Variants in MAST2 observed in about 807,000 individuals in gnomAD.
MAST2 encodes the protein microtubule associated serine/threonine kinase 2, also known as microtubule-associated serine/threonine-protein kinase 2.
MAST2 carries 70 observed loss-of-function variants against 147.4 expected under a neutral mutation model. That is an observed-to-expected ratio of 0.47 (90% CI 0.39 to 0.58). The LOEUF is 0.58. MAST2 is among the 20% of genes least tolerant of loss of function. The pLI is 0.00. For missense variants in MAST2, 2,080 were observed against 2,302.3 expected, an observed-to-expected ratio of 0.90 and a Z score of 1.98; for synonymous variants, 869 against 896.8, an observed-to-expected ratio of 0.97 and a Z score of 0.55.
At chr1:45,891,292 G>A (rs867141719) in intron 4 of MAST2, among the ~76,000 whole-genome samples, 1 of 152,146 alleles carries the variant, frequency 6.6e-6, no homozygotes, top group South Asian at 2.1e-4. Flanking sequence ...AGGAGTTTGA[G>A]CCCAGCCTGG....
chr1:45,940,818 A>G (rs1325267524), intron 4 of MAST2, among the ~76,000 whole-genome samples: 1 of 151,926 alleles, frequency 6.6e-6, no homozygotes. Flanking sequence ...ATGGGGTTTC[A>G]CCGTGTTAGC....
chr1:45,927,479 T>C (rs1654571251), intron 4 of MAST2, among the ~76,000 whole-genome samples: 1 of 152,184 alleles, frequency 6.6e-6, no homozygotes, highest in Non-Finnish European at 1.5e-5. Context: ...ATTCTCTTTC[T>C]CAGGGACGTT....
At chr1:45,861,551 T>C (rs1645982173) in intron 3 of MAST2, among the ~76,000 whole-genome samples, 1 of 152,186 alleles carries the variant, frequency 6.6e-6, no homozygotes. Flanking sequence ...TTTTGTTACC[T>C]GTACCTGCTT....
intron 4 of MAST2, among the ~76,000 whole-genome samples, chr1:45,884,254 A>G (rs1018118120): frequency 1.3e-5 from 2 of 152,090 alleles, no homozygotes; most frequent in Non-Finnish European, 2.9e-5. Flanking sequence ...ATACACAGTA[A>G]TATCTACTCT....
At chr1:45,892,380 G>A (rs185611875) in intron 4 of MAST2, among the ~76,000 whole-genome samples, 1 of 152,240 alleles carries the variant, frequency 6.6e-6, no homozygotes, top group African/African-American at 2.4e-5. Flanking sequence ...GAATACAACT[G>A]GCTCCCTTGC....
Position 45,852,472 on chromosome 1 carries a change from C to T in MAST2, c.468+22891C>T, listed in dbSNP as rs952277504. Among the ~76,000 whole-genome samples the T allele has an allele frequency of 9.3e-4, 142 of 151,932 alleles. 1 individual carries two copies. Among genetic ancestry groups the T allele is most frequent in the Non-Finnish European group, 7.5e-4 (51 of 67,988 alleles). ...CATCTCCCAGTCTCAGGTGATCCTC[C>T]TGCCTCAGCCTTCCGAGTAGCTGGG... On this transcript the variant is annotated intron_variant, in intron 3 of 28. Transcript: ENST00000361297.
chr1:46,011,467 AGGTAAAGTAATCCAGAGAT>A (rs376836639), intron 10 of MAST2, among the ~76,000 whole-genome samples: 17 of 152,352 alleles, frequency 1.1e-4, no homozygotes, highest in African/African-American at 4.1e-4. Context: ...GGGAGGCTAA[AGGTAAAGTAATCCAGAGAT>A]GGCCAAGACC....
chr1:45,806,247 C>G (rs1352164581), intron 1 of MAST2, among the ~76,000 whole-genome samples: 13 of 152,186 alleles, frequency 8.5e-5, no homozygotes, highest in Admixed American at 8.5e-4. Context: ...ACTAATACTT[C>G]ATATAAATGG....
chr1:45,875,783 A>T (rs1646580177), intron 3 of MAST2, among the ~76,000 whole-genome samples: 1 of 152,184 alleles, frequency 6.6e-6, no homozygotes, highest in Non-Finnish European at 1.5e-5. Flanking sequence ...ACAGAGAAGG[A>T]GCGAGACTGA....
At chr1:45,935,330 C>T (rs761587228) in intron 4 of MAST2, among the ~76,000 whole-genome samples, 24 of 152,232 alleles carry the variant, frequency 1.6e-4, no homozygotes, top group Non-Finnish European at 2.9e-4. Flanking sequence ...AATATTTTCT[C>T]CCATTCTCTA....
intron 16 of MAST2, 129 bp from the exon 17 acceptor site, chr1:46,027,602 T>C: frequency 1.0e-6 from 1 of 973,790 alleles, no homozygotes; most frequent in East Asian, 2.6e-5. Flanking sequence ...TCCCCCCAGC[T>C]GAAGCTACCC....
intron 3 of MAST2, among the ~76,000 whole-genome samples, chr1:45,845,664 A>G (rs1645408084): frequency 1.3e-5 from 2 of 152,220 alleles, no homozygotes; most frequent in Admixed American, 1.3e-4. Context: ...CTGGGTCTCT[A>G]ATCTTTAGTT....
At chr1:45,882,321 A>G (rs1265228865) in intron 3 of MAST2, 43 bp from the exon 4 acceptor site, 18 of 1,487,466 alleles carry the variant, frequency 1.2e-5, no homozygotes, top group Non-Finnish European at 1.7e-5. Context: ...AACAGGACTC[A>G]GATGGGTTCT....
rs745570300 is a variant in MAST2 at position 46,029,893 on chromosome 1, C to T, written c.2383C>T (p.Arg795Cys). 1.4e-5 allele frequency: 23 copies of T among 1,614,156 alleles called. No individual in the cohort carries two copies. Among genetic ancestry groups the T allele is most frequent in the East Asian group, 2.2e-5 (1 of 44,880 alleles). Reference sequence around the variant, plus strand: ...TGGTCTGGACTGGACAGGACTTCTCCGCCAGAAGGCTGAATTTATTCCTCA... The same window carrying T: ...TGGTCTGGACTGGACAGGACTTCTCTGCCAGAAGGCTGAATTTATTCCTCA... ...FTGLDWTGLL[R>C]QKAEFIPQLE... Residue 795 changes from arginine to cysteine, a missense_variant, in exon 20 of 29, where the codon CGC (arginine) becomes TGC (cysteine). Transcript: ENST00000361297.
intron 3 of MAST2, among the ~76,000 whole-genome samples, chr1:45,846,755 G>T (rs1645450078): frequency 6.6e-6 from 1 of 151,826 alleles, no homozygotes; most frequent in Non-Finnish European, 1.5e-5. Context: ...AACCTGGGAG[G>T]CAGAGGTTGC....
At chr1:45,867,048 C>A (rs956337635) in intron 3 of MAST2, among the ~76,000 whole-genome samples, 1 of 152,140 alleles carries the variant, frequency 6.6e-6, no homozygotes, top group South Asian at 2.1e-4. Context: ...CCGCACCCAG[C>A]CTATTTTGCC....
intron 4 of MAST2, among the ~76,000 whole-genome samples, chr1:45,921,170 A>G (rs996792333): frequency 2.6e-5 from 4 of 152,004 alleles, no homozygotes; most frequent in African/African-American, 9.7e-5. Context: ...TAATTTTTGT[A>G]TTTTTAGTAG....
chr1:46,032,566 A>C (rs1033629478), intron 25 of MAST2, 30 bp from the exon 26 acceptor site: 13 of 1,610,890 alleles, frequency 8.1e-6, no homozygotes, highest in Admixed American at 1.7e-5. Context: ...TTCAGGCTCC[A>C]GTCTGAGTAC....
In MAST2 at chr1:45,947,841, C is replaced by T. The variant is rs1374577627; in HGVS notation, c.501-11545C>T. Among the ~76,000 whole-genome samples the T allele has an allele frequency of 3.3e-5, 5 of 152,192 alleles. 1 individual carries two copies. Among genetic ancestry groups the T allele is most frequent in the Admixed American group, 2.0e-4 (3 of 15,278 alleles). On this transcript the variant is annotated intron_variant, in intron 4 of 28. Coordinates refer to ENST00000361297, the MANE Select transcript of MAST2 (RefSeq NM_015112.3). ...ATGCTATTCTTCTGCCTCAGCCTCC[C>T]GAGTAGCTGGGACTACAGTTGCCCG...
Sources: allele counts gnomAD v4.1 joint callset (sites outside exome capture counted in the v4.1 genomes callset), GRCh38; gene constraint gnomAD v4.1.1; transcripts MANE v1.5; gene names NCBI Gene and HGNC (gene_info 2026-07-23, HGNC 2026-07-21).